The following GBE1 variants were observed in gnomAD, a reference collection of about 807,000 sequenced individuals.
GBE1 encodes 1,4-alpha-glucan-branching enzyme.
Under a neutral mutation model 88.8 loss-of-function variants are expected in GBE1, and 70 were observed. That is an observed-to-expected ratio of 0.79 (90% confidence interval 0.65 to 0.96). GBE1 has a LOEUF of 0.96. Among genes scored for constraint, GBE1 ranks in the 40% least tolerant of loss-of-function variants. GBE1 has a pLI of 0.00. For missense variants in GBE1, 872 were observed against 871.0 expected, an observed-to-expected ratio of 1.00 and a Z score of -0.01; for synonymous variants, 284 against 300.1, an observed-to-expected ratio of 0.95 and a Z score of 0.56.
chr3:81,724,837 A>G (rs1158817266), intron 1 of GBE1, among the ~76,000 whole-genome samples: 2 of 152,224 alleles, frequency 1.3e-5, no homozygotes, highest in East Asian at 3.8e-4. Context: ...TGCTAATCAC[A>G]TAAAGTCTAT....
At chr3:81,523,448 T>C (rs1424783408) in intron 14 of GBE1, among the ~76,000 whole-genome samples, 2 of 151,620 alleles carry the variant, frequency 1.3e-5, no homozygotes, top group Non-Finnish European at 3.0e-5. Context: ...TCAGGGTAAA[T>C]AGAGTATCCA....
At chr3:81,722,094 A>G (rs1706042725) in intron 1 of GBE1, among the ~76,000 whole-genome samples, 1 of 152,314 alleles carries the variant, frequency 6.6e-6, no homozygotes, top group African/African-American at 2.4e-5. Context: ...CACAATTTCA[A>G]ATCCCTCTTA....
At chr3:81,557,294 A>C (rs1703361107) in intron 12 of GBE1, among the ~76,000 whole-genome samples, 1 of 152,168 alleles carries the variant, frequency 6.6e-6, no homozygotes, top group South Asian at 2.1e-4. Context: ...CAAATGCAAC[A>C]GACATATAAA....
At chr3:81,696,900 C>T (rs1002617148) in intron 2 of GBE1, among the ~76,000 whole-genome samples, 1 of 152,144 alleles carries the variant, frequency 6.6e-6, no homozygotes, top group Non-Finnish European at 1.5e-5. Context: ...CATGTATTTC[C>T]TATATTCTGA....
chr3:81,685,300 G>A (rs1264846312), intron 2 of GBE1, among the ~76,000 whole-genome samples: 1 of 152,216 alleles, frequency 6.6e-6, no homozygotes, highest in East Asian at 1.9e-4. Flanking sequence ...TTCAGTCCGT[G>A]AGAAAGACAA....
At chr3:81,590,714 C>T (rs1482582718) in intron 9 of GBE1, among the ~76,000 whole-genome samples, 3 of 152,070 alleles carry the variant, frequency 2.0e-5, no homozygotes, top group Non-Finnish European at 2.9e-5. Flanking sequence ...GACAGACACA[C>T]ATTAATATTC....
intron 1 of GBE1, among the ~76,000 whole-genome samples, chr3:81,753,167 T>C (rs4352391): frequency 0.22 from 33,098 of 152,148 alleles, 4,133 homozygotes; most frequent in East Asian, 0.37. Context: ...TTTAAAACTC[T>C]ACATAATCAT....
intron 14 of GBE1, among the ~76,000 whole-genome samples, chr3:81,515,235 C>G (rs1025920718): frequency 6.6e-6 from 1 of 151,452 alleles, no homozygotes; most frequent in African/African-American, 2.4e-5. Context: ...CTTTGTGTCT[C>G]TGTGTCACAT....
rs531804987 is a variant in GBE1 at position 81,569,110 on chromosome 3, A to T, written c.1618+8815T>A. 3.3e-5 allele frequency among the ~76,000 whole-genome samples: 5 copies of T among 152,316 alleles called. No individual in the cohort carries two copies. In the South Asian group the frequency reaches 8.3e-4, roughly 25 times the overall value. The stretch of plus-strand genomic sequence containing the variant: ...CACTAGTGACACAACTGTTTTATGG[A>T]ACATTTATATTTATATGATAAAAAT... On this transcript the variant is annotated intron_variant, in intron 12 of 15. Transcript: ENST00000429644.
At chr3:81,737,395 A>AT (rs1575771874) in intron 1 of GBE1, among the ~76,000 whole-genome samples, 8 of 34,340 alleles carry the variant, frequency 2.3e-4, no homozygotes, top group East Asian at 1.3e-3. Context: ...ATATTTATAT[A>AT]AATATATTTT....
chr3:81,668,590 A>G (rs1705146161), intron 3 of GBE1, among the ~76,000 whole-genome samples: 1 of 152,190 alleles, frequency 6.6e-6, no homozygotes, highest in African/African-American at 2.4e-5. Flanking sequence ...TTGAGCTAAC[A>G]AAGCAAAAAA....
Position 81,610,449 on chromosome 3 carries a change from C to T in GBE1, c.993-16426G>A, listed in dbSNP as rs77922048. Among the ~76,000 whole-genome samples, 638 of 152,204 alleles carry T rather than the reference C, an allele frequency of 4.2e-3. 6 individuals are homozygous for T. The highest frequency in any genetic ancestry group is 0.024 in the Middle Eastern group (7 of 294). On this transcript the variant is annotated intron_variant, in intron 7 of 15. Coordinates refer to ENST00000429644, the MANE Select transcript of GBE1 (RefSeq NM_000158.4). ...ATAAACAAAAGGTCTACATTTGTTTCTCATAATCCATAAACACTTCATAAG... is the reference window on the plus strand; with the variant it reads ...ATAAACAAAAGGTCTACATTTGTTTTTCATAATCCATAAACACTTCATAAG...
intron 1 of GBE1, among the ~76,000 whole-genome samples, chr3:81,705,861 T>C (rs1032456294): frequency 1.3e-5 from 2 of 152,132 alleles, no homozygotes; most frequent in Admixed American, 1.3e-4. Context: ...AGAGGAAATA[T>C]GATGGTTATA....
chr3:81,639,062 G>A lies in GBE1; in HGVS notation c.992+3719C>T, dbSNP rs557867895. Reference sequence around the variant, plus strand: ...ACAAATGTAAGGGGTGGAAAAATTTGTATTTAAAATATGAAACATAAATTG... The same window carrying A: ...ACAAATGTAAGGGGTGGAAAAATTTATATTTAAAATATGAAACATAAATTG... On this transcript the variant is annotated intron_variant, in intron 7 of 15. Transcript: ENST00000429644. Among the ~76,000 whole-genome samples, 11 of 152,190 alleles carry A rather than the reference G, an allele frequency of 7.2e-5. No individual in the cohort carries two copies. In the East Asian group the frequency reaches 1.7e-3, roughly 24 times the overall value.
chr3:81,505,756 ATG>A, intron 14 of GBE1, among the ~76,000 whole-genome samples: 1 of 151,442 alleles, frequency 6.6e-6, no homozygotes, highest in South Asian at 2.1e-4. Context: ...GTGTGTGTCT[ATG>A]TGTGTGTGTA....
intron 1 of GBE1, among the ~76,000 whole-genome samples, chr3:81,756,673 C>T (rs370836998): frequency 5.9e-5 from 9 of 152,180 alleles, no homozygotes; most frequent in South Asian, 2.1e-4. Flanking sequence ...TGAGACAGGG[C>T]GAAGTCAGAG....
intron 3 of GBE1, among the ~76,000 whole-genome samples, chr3:81,656,619 G>C (rs1704943103): frequency 6.6e-6 from 1 of 152,122 alleles, no homozygotes; most frequent in Admixed American, 6.5e-5. Flanking sequence ...GAATAAAATG[G>C]AAATAAACTT....
chr3:81,711,950 A>C (rs1186378682), intron 1 of GBE1, among the ~76,000 whole-genome samples: 2 of 152,166 alleles, frequency 1.3e-5, no homozygotes, highest in Non-Finnish European at 2.9e-5. Context: ...AACTCAAACA[A>C]ATTTACAAGA....
At chr3:81,580,638 T>A (rs1316496518) in intron 11 of GBE1, among the ~76,000 whole-genome samples, 1 of 152,062 alleles carries the variant, frequency 6.6e-6, no homozygotes, top group East Asian at 1.9e-4. Flanking sequence ...TATATCTGGG[T>A]TGACAAGACG....
Sources: gnomAD v4.1 joint callset for allele counts (sites outside exome capture counted in the v4.1 genomes callset) on GRCh38, gnomAD v4.1.1 for gene constraint, MANE v1.5 for transcripts, NCBI Gene and HGNC (gene_info 2026-07-23, HGNC 2026-07-21) for gene names.